The following GRIN2A variants were observed in gnomAD, a reference collection of about 807,000 sequenced individuals.
GRIN2A encodes glutamate ionotropic receptor NMDA type subunit 2A.
A neutral mutation model predicts 113.4 loss-of-function variants in GRIN2A; 22 were observed. The observed-to-expected ratio is 0.19, with a 90% CI of 0.14 to 0.28. The LOEUF (loss-of-function observed/expected upper bound fraction) is 0.28. Among genes scored for constraint, GRIN2A ranks in the 10% least tolerant of loss-of-function variants. The probability of loss-of-function intolerance (pLI) is 1.00; values close to 1 mark genes in which losing one functional copy is unlikely to be tolerated. For missense variants in GRIN2A, 1,502 were observed against 1,887.0 expected (o/e 0.80, Z 3.78); for synonymous variants, 827 against 738.4 (o/e 1.12, Z -1.94).
intron 3 of GRIN2A, among the ~76,000 whole-genome samples, chr16:9,925,560 C>G (rs2044447328): frequency 1.3e-5 from 2 of 152,154 alleles, no homozygotes; most frequent in Admixed American, 1.3e-4. Flanking sequence ...GGGAGTCTGC[C>G]ACACTTGAAT....
intron 2 of GRIN2A, among the ~76,000 whole-genome samples, chr16:10,058,774 T>G (rs946187404): frequency 2.0e-5 from 3 of 152,252 alleles, no homozygotes; most frequent in East Asian, 3.8e-4. Context: ...CCCCAAATTC[T>G]GAATGTTTCT....
chr16:9,818,068 A>G (rs2042217648), intron 10 of GRIN2A, among the ~76,000 whole-genome samples: 1 of 151,796 alleles, frequency 6.6e-6, no homozygotes. Context: ...ATTTCATTGT[A>G]TTATTATTAT....
chr16:10,032,947 C>T (rs1279222973), intron 2 of GRIN2A, among the ~76,000 whole-genome samples: 2 of 152,114 alleles, frequency 1.3e-5, no homozygotes, highest in Admixed American at 1.3e-4. Flanking sequence ...TGTCCTTACC[C>T]AGTGGAGAGT....
chr16:9,848,759 A>G (rs1287177279), intron 5 of GRIN2A, among the ~76,000 whole-genome samples: 1 of 125,808 alleles, frequency 7.9e-6, no homozygotes, highest in Non-Finnish European at 1.6e-5. Context: ...TTTTAAATAT[A>G]TAAAATACAC....
In GRIN2A at chr16:9,822,258, C is replaced by T; in HGVS notation, c.2168+6G>A. On this transcript the variant is annotated splice_donor_region_variant and intron_variant, in intron 10 of 12. Coordinates refer to ENST00000330684, the MANE Select transcript of GRIN2A (RefSeq NM_001134407.3). Reference sequence around the variant, plus strand: ...CCTGTGGTGAAAAGGAAACTGCCATCCTTACCCCGTTTTCAGGCTGACCAA... The same window carrying T: ...CCTGTGGTGAAAAGGAAACTGCCATTCTTACCCCGTTTTCAGGCTGACCAA... 1 of 1,613,808 alleles carries T rather than the reference C, an allele frequency of 6.2e-7. No individual in the cohort carries two copies. The highest frequency in any genetic ancestry group is 8.5e-7 in the Non-Finnish European group (1 of 1,179,754).
intron 2 of GRIN2A, among the ~76,000 whole-genome samples, chr16:9,969,076 A>T (rs79080281): frequency 1.3e-5 from 2 of 152,122 alleles, no homozygotes; most frequent in Non-Finnish European, 2.9e-5. Context: ...TTCAGAGTGA[A>T]TTTAACACAT....
At chr16:9,931,553 T>C (rs1465970844) in intron 3 of GRIN2A, among the ~76,000 whole-genome samples, 2 of 152,184 alleles carry the variant, frequency 1.3e-5, no homozygotes, top group Non-Finnish European at 2.9e-5. Flanking sequence ...TCATACTACC[T>C]AGACCATGAA....
At chr16:9,922,592 G>C (rs757040874) in intron 3 of GRIN2A, among the ~76,000 whole-genome samples, 66 of 152,272 alleles carry the variant, frequency 4.3e-4, no homozygotes, top group Admixed American at 2.0e-3. Context: ...TGACTGTTCT[G>C]AGCAGCAACT....
rs1416879383 is a variant in GRIN2A, at chr16:10,078,847, ATG to A, written c.414+101149_414+101150del. On this transcript the variant is annotated intron_variant, in intron 2 of 12. Coordinates refer to ENST00000330684, the MANE Select transcript of GRIN2A (RefSeq NM_001134407.3). ...CACTGGCAGATCCCGGAAAGGGAGC[ATG>A]CTGACTGACTGGCTGACTGACTGCC... is the stretch of plus-strand genomic sequence containing the variant. 2.6e-3 allele frequency among the ~76,000 whole-genome samples: 402 copies of A among 152,330 alleles called. 2 individuals carry two copies. Among genetic ancestry groups the A allele is most frequent in the African/African-American group, 9.2e-3 (383 of 41,580 alleles).
chr16:10,094,623 T>G (rs533742882), intron 2 of GRIN2A, among the ~76,000 whole-genome samples: 2 of 152,070 alleles, frequency 1.3e-5, no homozygotes, highest in Non-Finnish European at 2.9e-5. Flanking sequence ...CTGATTTTTG[T>G]ATTTTTAGTA....
intron 2 of GRIN2A, among the ~76,000 whole-genome samples, chr16:10,037,652 G>T (rs1439704891): frequency 6.6e-6 from 1 of 152,020 alleles, no homozygotes; most frequent in Non-Finnish European, 1.5e-5. Context: ...TAGAGACAGG[G>T]TCTTGCACTG....
intron 2 of GRIN2A, among the ~76,000 whole-genome samples, chr16:9,947,531 C>G (rs1216520727): frequency 6.6e-6 from 1 of 152,176 alleles, no homozygotes; most frequent in African/African-American, 2.4e-5. Flanking sequence ...AGGGGCAGGC[C>G]CTGGTGGTAA....
intron 2 of GRIN2A, among the ~76,000 whole-genome samples, chr16:10,021,344 T>C (rs1162717708): frequency 6.6e-6 from 1 of 152,222 alleles, no homozygotes; most frequent in African/African-American, 2.4e-5. Context: ...GAGGGGAATC[T>C]ACTATTGTTC....
At chr16:9,970,109 C>A (rs3105686) in intron 2 of GRIN2A, among the ~76,000 whole-genome samples, 2 of 151,930 alleles carry the variant, frequency 1.3e-5, no homozygotes, top group African/African-American at 2.4e-5. Flanking sequence ...CATTGGGATC[C>A]CTAATACAGA....
chr16:10,045,313 G>A (rs576270123), intron 2 of GRIN2A, among the ~76,000 whole-genome samples: 113 of 152,298 alleles, frequency 7.4e-4, no homozygotes, highest in Non-Finnish European at 1.2e-3. Flanking sequence ...TCCCTAAATA[G>A]AAGCAAGGTA....
chr16:10,054,064 G>T (rs570805538), intron 2 of GRIN2A, among the ~76,000 whole-genome samples: 1 of 151,964 alleles, frequency 6.6e-6, no homozygotes, highest in East Asian at 1.9e-4. Context: ...GTGACAATAA[G>T]AAGTTAAAAT....
intron 2 of GRIN2A, among the ~76,000 whole-genome samples, chr16:10,091,758 A>C (rs1460565812): frequency 6.6e-6 from 1 of 152,238 alleles, no homozygotes; most frequent in African/African-American, 2.4e-5. Flanking sequence ...AAGTGAAAGA[A>C]GCCAGACTCA....
At chr16:9,964,869 G>C (rs753958610) in intron 2 of GRIN2A, among the ~76,000 whole-genome samples, 2 of 152,134 alleles carry the variant, frequency 1.3e-5, no homozygotes, top group African/African-American at 2.4e-5. Context: ...TCACAGCATG[G>C]ACATCTTAGG....
chr16:9,864,094 T>C (rs76057384), intron 4 of GRIN2A, among the ~76,000 whole-genome samples: 1 of 152,190 alleles, frequency 6.6e-6, no homozygotes, highest in Non-Finnish European at 1.5e-5. Flanking sequence ...TTTAGAAATA[T>C]GGTAAAGGTT....
Sources: gnomAD v4.1 joint callset for allele counts (sites outside exome capture counted in the v4.1 genomes callset) on GRCh38, gnomAD v4.1.1 for gene constraint, MANE v1.5 for transcripts, NCBI Gene and HGNC (gene_info 2026-07-23, HGNC 2026-07-21) for gene names.